The following TPM1 variants were observed in gnomAD, a reference collection of about 807,000 sequenced individuals.
TPM1 encodes the protein tropomyosin 1, also known as tropomyosin alpha-1 chain.
TPM1 carries 24 observed loss-of-function variants against 42.9 expected under a neutral mutation model. That is an observed-to-expected ratio of 0.56 (90% CI 0.41 to 0.79). The LOEUF (loss-of-function observed/expected upper bound fraction) is 0.79, where lower values mean the gene tolerates loss of function less well. Ranked by LOEUF, TPM1 falls within the 30% of genes least tolerant of loss-of-function variation. The pLI, the probability that TPM1 is intolerant of heterozygous loss-of-function variation, is 0.00. For missense variants in TPM1, 158 were observed against 351.8 expected, an observed-to-expected ratio of 0.45 and a Z score of 4.41; for synonymous variants, 136 against 130.1, an observed-to-expected ratio of 1.05 and a Z score of -0.31.
intron 9 of TPM1, chr15:63,064,622 A>T (rs74021739): frequency 2.0e-6 from 2 of 1,024,868 alleles, no homozygotes; most frequent in Non-Finnish European, 2.3e-6. Flanking sequence ...GCATGATCCA[A>T]TACAGCTTTA....
intron 2 of TPM1, among the ~76,000 whole-genome samples, chr15:63,052,150 A>G (rs2034010103): frequency 6.6e-6 from 1 of 152,154 alleles, no homozygotes; most frequent in African/African-American, 2.4e-5. Flanking sequence ...AGAACACAAT[A>G]GCACTTTTGA....
At chr15:63,043,640 G>T in intron 1 of TPM1, 1 of 1,534,608 alleles carries the variant, frequency 6.5e-7, no homozygotes, top group Non-Finnish European at 8.7e-7. Flanking sequence ...CCCGACGCCC[G>T]TGTGTTGTGT....
intron 9 of TPM1, chr15:63,064,499 C>G: frequency 2.7e-6 from 3 of 1,100,530 alleles, no homozygotes; most frequent in Non-Finnish European, 3.3e-6. Flanking sequence ...CAAAAAATAT[C>G]AAAATTTGTT....
chr15:63,049,454 T>C (rs1251164035), intron 2 of TPM1: 1 of 152,282 alleles, frequency 6.6e-6, no homozygotes, highest in Non-Finnish European at 1.5e-5. Flanking sequence ...TTAAATGTAA[T>C]ACCTGGCTTC....
chr15:63,052,539 G>A (rs1263321939), intron 2 of TPM1, among the ~76,000 whole-genome samples: 1 of 152,000 alleles, frequency 6.6e-6, no homozygotes, highest in Admixed American at 6.6e-5. Context: ...AAAAGAAGAA[G>A]AAGAAGAAAG....
chr15:63,044,627 T>A, intron 2 of TPM1: 1 of 261,388 alleles, frequency 3.8e-6, no homozygotes. Context: ...GACACAGCGG[T>A]ACCTTTACTT....
intron 4 of TPM1, among the ~76,000 whole-genome samples, chr15:63,060,608 G>A (rs1283985966): frequency 6.6e-6 from 1 of 152,180 alleles, no homozygotes; most frequent in Non-Finnish European, 1.5e-5. Flanking sequence ...TGGTCTGGCT[G>A]CCGGTTCACC....
intron 2 of TPM1, chr15:63,049,452 A>T (rs966113089): frequency 2.6e-5 from 4 of 152,228 alleles, no homozygotes; most frequent in African/African-American, 9.7e-5. Context: ...TGTTAAATGT[A>T]ATACCTGGCT....
chr15:63,044,143 G>A lies in TPM1; in HGVS notation c.231G>A (p.Lys77=), dbSNP rs1227060391. 6.2e-7 allele frequency: 1 copy of A among 1,614,196 alleles called. No individual in the cohort carries two copies. Among genetic ancestry groups the A allele is most frequent in the Admixed American group, 1.7e-5 (1 of 60,032 alleles). The part of the protein sequence containing the change: ...AQEKLELAEK[K]ATDAEADVAS... ...AGAAGCTGGAGCTGGCAGAGAAAAA[G>A]GCCACCGATGTAAGTGCACGCTCAC... The change falls in exon 2 of 10, where the codon AAG becomes AAA. Residue 77 remains lysine, a synonymous_variant. Coordinates refer to ENST00000403994, the MANE Select transcript of TPM1 (RefSeq NM_001018005.2).
At chr15:63,043,227 G>A (rs1198574111) in intron 1 of TPM1, 1 of 524,442 alleles carries the variant, frequency 1.9e-6, no homozygotes, top group African/African-American at 1.9e-5. Flanking sequence ...AATCAGTTTG[G>A]GGGAGGGAGG....
At chr15:63,070,408 C>T (rs1433858313), downstream of TPM1, 1 of 994,844 alleles carries the variant, frequency 1.0e-6, no homozygotes, top group Non-Finnish European at 1.2e-6. Flanking sequence ...TGTACCTATG[C>T]TTGGGCAAAA....
At chr15:63,052,087 A>G (rs779043085) in intron 2 of TPM1, among the ~76,000 whole-genome samples, 1 of 151,654 alleles carries the variant, frequency 6.6e-6, no homozygotes, top group Non-Finnish European at 1.5e-5. Flanking sequence ...CTGCAGGAGG[A>G]CATTGGTAGC....
chr15:63,062,531 G>A lies in TPM1; in HGVS notation c.703-45G>A, dbSNP rs748646554. 8.1e-6 allele frequency: 13 copies of A among 1,602,096 alleles called. No individual in the cohort carries two copies. In the Admixed American group the frequency reaches 2.0e-4, roughly 25 times the overall value. On this transcript the variant is annotated intron_variant, in intron 7 of 9. Transcript: ENST00000403994. ...AGTTTTCCCTATGTTTGTAGCTACA[G>A]GAAACATAAAACTTCCCAACTTTAA...
chr15:63,065,138 G>T, intron 9 of TPM1: 1 of 985,492 alleles, frequency 1.0e-6, no homozygotes. Context: ...GGGAGTTAAT[G>T]GCCCAGATTT....
At position 63,048,943 on chromosome 15, in the gene TPM1, G is replaced by C. The variant is rs778361992; in HGVS notation, c.240+4791G>C. 109 of 613,212 alleles carry C rather than the reference G, an allele frequency of 1.8e-4. 1 individual carries two copies. The highest frequency in any genetic ancestry group is 1.9e-4 in the Non-Finnish European group (67 of 345,596). The allele number at this position is 613,212 out of a possible 1,614,324, so 38.0% of individuals were successfully genotyped here. A position where few individuals can be genotyped will look rare whatever the true frequency, so the allele number is the denominator to read the frequency against. On this transcript the variant is annotated intron_variant, in intron 2 of 9. Transcript: ENST00000403994. Reference sequence around the variant, plus strand: ...AAAGTAAACGCTCCCAGGGGAAACGGGTGGTGTTGAGAAGGTTCTGGAAGG... The same window carrying C: ...AAAGTAAACGCTCCCAGGGGAAACGCGTGGTGTTGAGAAGGTTCTGGAAGG...
At chr15:63,056,918 GCCATTTCC>G in intron 2 of TPM1, 59 bp from the exon 3 acceptor site, 1 of 1,609,634 alleles carries the variant, frequency 6.2e-7, no homozygotes, top group African/African-American at 1.3e-5. Flanking sequence ...TGCAGTCCCA[GCCATTTCC>G]TGAAGCTACC....
At chr15:63,052,998 A>G (rs1178465165) in intron 2 of TPM1, among the ~76,000 whole-genome samples, 4 of 152,328 alleles carry the variant, frequency 2.6e-5, no homozygotes, top group East Asian at 3.9e-4. Flanking sequence ...GGGTTTTCCC[A>G]TAAAGATAGG....
downstream of TPM1, among the ~76,000 whole-genome samples, chr15:63,069,333 G>A (rs571795409): frequency 6.6e-6 from 1 of 152,168 alleles, no homozygotes; most frequent in Non-Finnish European, 1.5e-5. Context: ...AAAAATTTCA[G>A]TGCAGCAAAA....
intron 2 of TPM1, chr15:63,048,739 C>A: frequency 6.5e-7 from 1 of 1,527,064 alleles, no homozygotes; most frequent in Non-Finnish European, 8.8e-7. Context: ...CCGCAGCCCC[C>A]AGAGGCGCAT....
Sources: gnomAD v4.1 joint callset for allele counts (sites outside exome capture counted in the v4.1 genomes callset) on GRCh38, gnomAD v4.1.1 for gene constraint, MANE v1.5 for transcripts, NCBI Gene and HGNC (gene_info 2026-07-23, HGNC 2026-07-21) for gene names.